DENND3: variants seen among roughly 807,000 people sequenced by gnomAD.
DENND3 encodes DENN domain containing 3, also known as DENN domain-containing protein 3.
DENND3 carries 88 observed loss-of-function variants against 135.1 expected under a neutral mutation model. The ratio of observed to expected loss-of-function variants is 0.65; its 90% CI spans 0.55 to 0.78. The LOEUF (loss-of-function observed/expected upper bound fraction) is 0.78. Among genes scored for constraint, DENND3 ranks in the 30% least tolerant of loss-of-function variants. The probability of loss-of-function intolerance (pLI) is 0.00; values close to 1 mark genes in which losing one functional copy is unlikely to be tolerated. For synonymous variants in DENND3, 693 were observed against 712.3 expected (o/e 0.97, Z 0.43); for missense variants, 1,392 against 1,688.4 (o/e 0.82, Z 3.08).
At chr8:141,169,251 G>A (rs1027172750) in intron 13 of DENND3, among the ~76,000 whole-genome samples, 1 of 152,248 alleles carries the variant, frequency 6.6e-6, no homozygotes, top group African/African-American at 2.4e-5. Context: ...CTGCAGCACC[G>A]TGGTCTTTAC....
At chr8:141,192,304 C>T (rs1824856523) in intron 20 of DENND3, 27 bp from the exon 21 acceptor site, 3 of 1,612,206 alleles carry the variant, frequency 1.9e-6, no homozygotes, top group African/African-American at 2.7e-5. Flanking sequence ...CACTGCCTGG[C>T]CCCATCCTAG....
intron 17 of DENND3, among the ~76,000 whole-genome samples, chr8:141,183,034 G>A (rs983569968): frequency 3.3e-5 from 5 of 152,168 alleles, no homozygotes; most frequent in African/African-American, 9.7e-5. Context: ...GTGAAACCTC[G>A]CCCCTTCACA....
intron 17 of DENND3, among the ~76,000 whole-genome samples, chr8:141,181,730 C>CA (rs1348188688): frequency 3.3e-5 from 5 of 151,434 alleles, no homozygotes; most frequent in Non-Finnish European, 7.4e-5. Context: ...GTGTGGAAAA[C>CA]AAAGGAATAC....
rs1242282425 is a variant in DENND3 at position 141,182,389 on chromosome 8, G to A, written c.2944+1535G>A. On this transcript the variant is annotated intron_variant, in intron 17 of 22. Coordinates refer to ENST00000519811, the MANE Select transcript of DENND3 (RefSeq NM_001352890.3). This position sits in a 1 kb window ranked among gnomAD's most constrained non-coding sequence, Gnocchi z 5.9. ...GGCAGCGTCATCAGGGCCGCCCCGC[G>A]TGAGCCCTACCTGATGTGTCTAAGC... The A allele has an allele frequency of 1.0e-5, 10 of 985,324 alleles. No individual in the cohort carries two copies. Among genetic ancestry groups the A allele is most frequent in the East Asian group, 1.1e-4 (1 of 8,824 alleles). 61.0% of individuals were successfully genotyped at this position (985,324 alleles called of 1,614,324 possible).
rs982069829 is a variant in DENND3 at position 141,130,681 on chromosome 8, T to A, written c.102+1872T>A. On this transcript the variant is annotated intron_variant, in intron 1 of 22. Transcript: ENST00000519811. The surrounding 1 kb of genome is among the most constrained non-coding windows in gnomAD (Gnocchi z 4.2). Reference sequence around the variant, plus strand: ...CGGTTCTATTTTGAATGTCCAAGGCTTTTAAATATATTTTTTTTTTTTTGA... The same window carrying A: ...CGGTTCTATTTTGAATGTCCAAGGCATTTAAATATATTTTTTTTTTTTTGA... 7.0e-6 allele frequency among the ~76,000 whole-genome samples: 1 copy of A among 142,748 alleles called. No individual in the cohort carries two copies. The highest frequency in any genetic ancestry group is 2.1e-4 in the South Asian group (1 of 4,698). 93.6% of individuals were successfully genotyped at this position (142,748 alleles called of 152,430 possible).
Position 141,166,800 on chromosome 8 carries a change from A to G in DENND3, c.1753+411A>G, listed in dbSNP as rs80053031. Among the ~76,000 whole-genome samples, 38 of 152,300 alleles carry G rather than the reference A, an allele frequency of 2.5e-4. No homozygotes were observed. In the East Asian group the frequency reaches 7.0e-3, roughly 28 times the overall value. On this transcript the variant is annotated intron_variant, in intron 12 of 22. Coordinates refer to ENST00000519811, the MANE Select transcript of DENND3 (RefSeq NM_001352890.3). The surrounding 1 kb of genome is among the most constrained non-coding windows in gnomAD (Gnocchi z 4.3). ...GTGCCCCTGCCCTCGTGGAGCTGGC[A>G]TTCCAGGGCCAGGGCTAAAGTGAGC...
Position 141,165,276 on chromosome 8 carries a change from T to A in DENND3, c.1540T>A (p.Ser514Thr), listed in dbSNP as rs1353121305. 1.2e-6 allele frequency: 2 copies of A among 1,613,942 alleles called. No individual in the cohort carries two copies. The highest frequency in any genetic ancestry group is 3.3e-5 in the Admixed American group (2 of 60,000). The change falls in exon 11 of 23, where the codon TCG (serine) becomes ACG (threonine). Residue 514 changes from serine (S) to threonine (T), a missense_variant. Physicochemically the swap from Ser to Thr is moderately conservative, Grantham distance 58 (BLOSUM62 1). Coordinates refer to ENST00000519811, the MANE Select transcript of DENND3 (RefSeq NM_001352890.3). ...AFAQMDLDTQ[S>T]EEDRINGMLL... Reference sequence around the variant, plus strand: ...TGCTCAGATGGACCTCGACACCCAGTCGGAGGAGGACAGGTGCTTCACTGT... The same window carrying A: ...TGCTCAGATGGACCTCGACACCCAGACGGAGGAGGACAGGTGCTTCACTGT...
Position 141,141,351 on chromosome 8 carries a change from G to T in DENND3, c.623+27G>T. ...TGAGCTGGGGCACCGGGGGCCAGGG[G>T]TGGTAGGGGGCAGCTCTTTGTGCCT... On this transcript the variant is annotated intron_variant, in intron 4 of 22. Coordinates refer to ENST00000519811, the MANE Select transcript of DENND3 (RefSeq NM_001352890.3). This position sits in a 1 kb window ranked among gnomAD's most constrained non-coding sequence, Gnocchi z 5.3. 6.2e-7 allele frequency: 1 copy of T among 1,611,358 alleles called. No homozygotes were observed. The highest frequency in any genetic ancestry group is 8.5e-7 in the Non-Finnish European group (1 of 1,179,574).
rs1422882102 is a variant in DENND3, at chr8:141,182,771, A to T, written c.2944+1917A>T. Among the ~76,000 whole-genome samples the T allele has an allele frequency of 1.3e-5, 2 of 152,154 alleles. No homozygotes were observed. The highest frequency in any genetic ancestry group is 4.8e-5 in the African/African-American group (2 of 41,448). ...CCCATCAAGAAGGGGGAGTCTTGTT[A>T]TTCCCATTAGCTTGGGGCTGGGTCT... On this transcript the variant is annotated intron_variant, in intron 17 of 22. Coordinates refer to ENST00000519811, the MANE Select transcript of DENND3 (RefSeq NM_001352890.3). The surrounding 1 kb of genome is among the most constrained non-coding windows in gnomAD (Gnocchi z 5.9).
intron 16 of DENND3, among the ~76,000 whole-genome samples, chr8:141,178,861 C>T (rs1193524083): frequency 2.6e-5 from 4 of 152,130 alleles, no homozygotes; most frequent in Non-Finnish European, 5.9e-5. Context: ...GTTTTCTGGT[C>T]TTCTTGTGAC....
At chr8:141,165,943 CT>C (rs1820733493) in intron 11 of DENND3, among the ~76,000 whole-genome samples, 1 of 152,148 alleles carries the variant, frequency 6.6e-6, no homozygotes, top group South Asian at 2.1e-4. Context: ...CCTGAGCCCC[CT>C]CCAACATGTG....
intron 20 of DENND3, 151 bp downstream of exon 20, chr8:141,190,568 C>CT: frequency 3.3e-6 from 4 of 1,215,790 alleles, no homozygotes; most frequent in Non-Finnish European, 4.4e-6. Context: ...TCGCAGCAAC[C>CT]TTTACTCCAC....
At chr8:141,176,297 A>AC in intron 14 of DENND3, 2 of 272,098 alleles carry the variant, frequency 7.4e-6, no homozygotes, top group Non-Finnish European at 1.4e-5. Context: ...CAAAAAAAAA[A>AC]AAACAAAAAG....
At position 141,188,977 on chromosome 8, in the gene DENND3, T is replaced by G; in HGVS notation, c.3085-9T>G. The G allele has an allele frequency of 6.2e-7, 1 of 1,609,260 alleles. No individual in the cohort carries two copies. The highest frequency in any genetic ancestry group is 8.5e-7 in the Non-Finnish European group (1 of 1,178,050). ...ACTGATTTCTCACGTTCCCGTGGCCTCCTGTTAGAACTGCATGGTGATGGC... is the reference window on the plus strand; with the variant it reads ...ACTGATTTCTCACGTTCCCGTGGCCGCCTGTTAGAACTGCATGGTGATGGC... On this transcript the variant is annotated splice_polypyrimidine_tract_variant and intron_variant, in intron 18 of 22. Coordinates refer to ENST00000519811, the MANE Select transcript of DENND3 (RefSeq NM_001352890.3).
chr8:141,189,246 G>C, intron 19 of DENND3, 100 bp downstream of exon 19: 1 of 1,512,058 alleles, frequency 6.6e-7, no homozygotes, highest in Non-Finnish European at 9.0e-7. Flanking sequence ...CAGGGGCCAG[G>C]CGGGGCGTAC....
In DENND3 at chr8:141,189,143, C is replaced by T; in HGVS notation, c.3242C>T (p.Pro1081Leu). The T allele has an allele frequency of 6.2e-7, 1 of 1,614,148 alleles. No homozygotes were observed. The highest frequency in any genetic ancestry group is 8.5e-7 in the Non-Finnish European group (1 of 1,179,998). Residue 1081 changes from proline (P) to leucine (L), a missense_variant, in exon 19 of 23, where the codon CCC (proline) becomes CTC (leucine). Pro to Leu is a moderately conservative substitution (Grantham distance 98, BLOSUM62 -3). Coordinates refer to ENST00000519811, the MANE Select transcript of DENND3 (RefSeq NM_001352890.3). Reference protein sequence around the residue: ...DLIVQDGQEAPSNVYSCSMDG... With the variant: ...DLIVQDGQEALSNVYSCSMDG... ...ATTGTGCAGGACGGACAGGAGGCAC[C>T]CAGGTGCAGTAAGCTCTGCTGGGGA...
rs1435489917 is a variant in DENND3 at position 141,139,350 on chromosome 8, A to G, written c.501+1213A>G. On this transcript the variant is annotated intron_variant, in intron 3 of 22. Coordinates refer to ENST00000519811, the MANE Select transcript of DENND3 (RefSeq NM_001352890.3). The surrounding 1 kb of genome is among the most constrained non-coding windows in gnomAD (Gnocchi z 4.2). ...GCACAGACAGGCCCGGATGTTCTTA[A>G]TGAATATGCAGGAGCAAAGCGTACT... Among the ~76,000 whole-genome samples, 1 of 152,206 alleles carries G rather than the reference A, an allele frequency of 6.6e-6. No individual in the cohort carries two copies. The highest frequency in any genetic ancestry group is 1.5e-5 in the Non-Finnish European group (1 of 68,042).
intron 5 of DENND3, among the ~76,000 whole-genome samples, chr8:141,147,994 A>G (rs983519374): frequency 3.3e-5 from 5 of 152,196 alleles, no homozygotes; most frequent in Non-Finnish European, 7.3e-5. Context: ...AAGTTGGTAT[A>G]ATGCTTGTGA....
At chr8:141,169,423 C>A (rs1306099910) in intron 13 of DENND3, among the ~76,000 whole-genome samples, 5 of 152,266 alleles carry the variant, frequency 3.3e-5, no homozygotes, top group African/African-American at 7.2e-5. Flanking sequence ...TGAAGACGCT[C>A]CTTGTCCGGG....
Sources: gnomAD v4.1 joint callset for allele counts (sites outside exome capture counted in the v4.1 genomes callset) on GRCh38, gnomAD v4.1.1 for gene constraint, Gnocchi (gnomAD v3.1) non-coding constraint, MANE v1.5 for transcripts, NCBI Gene and HGNC (gene_info 2026-07-23, HGNC 2026-07-21) for gene names.